Variants in SLC31A1 observed in about 807,000 individuals in gnomAD.
SLC31A1 encodes solute carrier family 31 member 1, also known as high affinity copper uptake protein 1.
Under a neutral mutation model 17.2 loss-of-function variants are expected in SLC31A1, and 5 were observed. That is an observed-to-expected ratio of 0.29 (90% CI 0.15 to 0.61). SLC31A1 has a LOEUF of 0.61. SLC31A1 is among the 20% of genes least tolerant of loss of function. SLC31A1 has a pLI of 0.86. For missense variants in SLC31A1, 161 were observed against 241.4 expected (o/e 0.67, Z 2.21); for synonymous variants, 76 against 78.8 (o/e 0.96, Z 0.19).
intron 1 of SLC31A1, among the ~76,000 whole-genome samples, chr9:113,235,107 T>C (rs957357063): frequency 2.0e-5 from 3 of 152,210 alleles, no homozygotes; most frequent in Non-Finnish European, 4.4e-5. Context: ...AGAAGACTCA[T>C]CCAGAATATG....
Position 113,263,811 on chromosome 9 carries a change from G to T in SLC31A1, c.*3338G>T, listed in dbSNP as rs1355264808. ...CCCAGCATCCCCATTGCCCACAAAT[G>T]GAATCCTCACTGTATCCACTAGGAG... On this transcript the variant is annotated 3_prime_UTR_variant, in exon 5 of 5. Coordinates refer to ENST00000374212, the MANE Select transcript of SLC31A1 (RefSeq NM_001859.4). 6.6e-6 allele frequency: 1 copy of T among 152,184 alleles called. No homozygotes were observed. Among genetic ancestry groups the T allele is most frequent in the Non-Finnish European group, 1.5e-5 (1 of 68,032 alleles). The allele number at this position is 152,184 out of a possible 1,614,324, so 9.4% of individuals were successfully genotyped here.
intron 1 of SLC31A1, among the ~76,000 whole-genome samples, chr9:113,239,614 G>A (rs1371118028): frequency 6.6e-6 from 1 of 151,940 alleles, no homozygotes; most frequent in Non-Finnish European, 1.5e-5. Context: ...ACACAGTCTC[G>A]CTCTGTCACC....
intron 1 of SLC31A1, chr9:113,227,742 C>T (rs1464940530): frequency 6.6e-6 from 1 of 152,218 alleles, no homozygotes; most frequent in East Asian, 1.9e-4. Flanking sequence ...ATTATCCAAA[C>T]AGTTTAAATG....
chr9:113,232,275 A>G (rs1179679925), intron 1 of SLC31A1, among the ~76,000 whole-genome samples: 1 of 152,186 alleles, frequency 6.6e-6, no homozygotes, highest in Non-Finnish European at 1.5e-5. Context: ...CCATTTCAAG[A>G]TGGCGTTTTG....
At chr9:113,243,173 A>G (rs1036969232) in intron 1 of SLC31A1, among the ~76,000 whole-genome samples, 17 of 152,150 alleles carry the variant, frequency 1.1e-4, no homozygotes, top group African/African-American at 4.1e-4. Flanking sequence ...CTAAAATATA[A>G]AATAACTTAC....
chr9:113,248,462 CTTTTTTTTT>C (rs34154634), intron 1 of SLC31A1, among the ~76,000 whole-genome samples: 3 of 86,560 alleles, frequency 3.5e-5, no homozygotes, highest in African/African-American at 1.4e-4. Context: ...GAAAGCAGTC[CTTTTTTTTT>C]TTTTTTTTTT....
chr9:113,236,318 A>G (rs907298489), intron 1 of SLC31A1, among the ~76,000 whole-genome samples: 2 of 151,672 alleles, frequency 1.3e-5, no homozygotes, highest in African/African-American at 4.8e-5. Flanking sequence ...CGACAAGTCA[A>G]GTGTGCATTT....
chr9:113,253,963 T>G (rs1831691491), intron 1 of SLC31A1, among the ~76,000 whole-genome samples: 1 of 145,390 alleles, frequency 6.9e-6, no homozygotes, highest in African/African-American at 2.6e-5. Context: ...ACAGTCTTTT[T>G]TTTTTTTTTT....
intron 1 of SLC31A1, among the ~76,000 whole-genome samples, chr9:113,244,816 G>A (rs368289755): frequency 6.6e-6 from 1 of 152,212 alleles, no homozygotes; most frequent in Non-Finnish European, 1.5e-5. Context: ...GACTATCCTT[G>A]TAAGACTACA....
chr9:113,228,659 G>T (rs1308044966), intron 1 of SLC31A1, among the ~76,000 whole-genome samples: 3 of 152,320 alleles, frequency 2.0e-5, no homozygotes, highest in Middle Eastern at 3.4e-3. Flanking sequence ...AACCCATCCT[G>T]CTTAGCTGCT....
intron 1 of SLC31A1, among the ~76,000 whole-genome samples, chr9:113,235,329 G>A (rs1423118229): frequency 6.6e-6 from 1 of 152,178 alleles, no homozygotes; most frequent in Non-Finnish European, 1.5e-5. Context: ...AATAAGTGCT[G>A]AGAAGAATGT....
At chr9:113,233,817 A>G (rs781098871) in intron 1 of SLC31A1, among the ~76,000 whole-genome samples, 4 of 152,228 alleles carry the variant, frequency 2.6e-5, no homozygotes, top group Non-Finnish European at 5.9e-5. Context: ...AATTGCACAT[A>G]TTTATGGGCA....
chr9:113,243,991 T>C (rs1214577744), intron 1 of SLC31A1, among the ~76,000 whole-genome samples: 1 of 151,630 alleles, frequency 6.6e-6, no homozygotes, highest in Non-Finnish European at 1.5e-5. Context: ...TCGTCTCTAC[T>C]AAAAATACAA....
At chr9:113,242,121 G>A (rs944535328) in intron 1 of SLC31A1, among the ~76,000 whole-genome samples, 1 of 152,142 alleles carries the variant, frequency 6.6e-6, no homozygotes, top group African/African-American at 2.4e-5. Flanking sequence ...CCCGGGAGGC[G>A]GAGCTTGCGG....
intron 3 of SLC31A1, among the ~76,000 whole-genome samples, chr9:113,257,507 G>A (rs1246479865): frequency 8.1e-5 from 10 of 123,642 alleles, no homozygotes; most frequent in Non-Finnish European, 1.4e-4. Flanking sequence ...TTTTTGAGAC[G>A]GAGTTTCACT....
In SLC31A1 at chr9:113,260,229, C is replaced by T. The variant is rs1176644870; in HGVS notation, c.372-43C>T. The T allele has an allele frequency of 6.4e-6, 10 of 1,560,998 alleles. No individual in the cohort carries two copies. The African/African-American group carries it at 1.4e-4, about 21-fold the overall frequency. ...TCCCTCTTTCTCCTGATCTGCAGAA[C>T]TCCTAGGAGTCCCTGATTGTTGTGT... is the stretch of plus-strand genomic sequence containing the variant. On this transcript the variant is annotated intron_variant, in intron 4 of 4. Transcript: ENST00000374212.
chr9:113,253,648 A>G (rs953366666), intron 1 of SLC31A1, among the ~76,000 whole-genome samples: 2 of 143,368 alleles, frequency 1.4e-5, no homozygotes, highest in African/African-American at 5.2e-5. Context: ...TCCGCCTCCC[A>G]GGTTTGAGCA....
rs1026431486 is a variant in SLC31A1 at position 113,262,362 on chromosome 9, G to C, written c.*1889G>C. On this transcript the variant is annotated 3_prime_UTR_variant, in exon 5 of 5. Transcript: ENST00000374212. ...TAGTCTACACTGCAGTCTTATTCCTGGTTCAAACTACCTCTTTAAATTGAT... is the reference window on the plus strand; with the variant it reads ...TAGTCTACACTGCAGTCTTATTCCTCGTTCAAACTACCTCTTTAAATTGAT... The C allele has an allele frequency of 4.6e-5, 7 of 152,594 alleles. No homozygotes were observed. The highest frequency in any genetic ancestry group is 1.4e-4 in the African/African-American group (6 of 41,422). The allele number at this position is 152,594 out of a possible 1,614,324, so 9.5% of individuals were successfully genotyped here. A position where few individuals can be genotyped will look rare whatever the true frequency, so the allele number is the denominator to read the frequency against.
chr9:113,242,282 A>G (rs1280559813), intron 1 of SLC31A1, among the ~76,000 whole-genome samples: 1 of 152,238 alleles, frequency 6.6e-6, no homozygotes, highest in Non-Finnish European at 1.5e-5. Context: ...CAATGTAGGC[A>G]AAGATACCAG....
Sources: gnomAD v4.1 joint callset for allele counts (sites outside exome capture counted in the v4.1 genomes callset) on GRCh38, gnomAD v4.1.1 for gene constraint, MANE v1.5 for transcripts, NCBI Gene and HGNC (gene_info 2026-07-23, HGNC 2026-07-21) for gene names.